SV2A: variants seen among roughly 807,000 people sequenced by gnomAD.
SV2A encodes solute carrier family 22 member B1.
A neutral mutation model predicts 78.0 loss-of-function variants in SV2A; 25 were observed. The observed-to-expected ratio is 0.32, with a 90% CI of 0.23 to 0.45. The LOEUF is 0.45. SV2A is among the 20% of genes least tolerant of loss of function. The probability of loss-of-function intolerance (pLI) is 1.00; values close to 1 mark genes in which losing one functional copy is unlikely to be tolerated. For synonymous variants in SV2A, 355 were observed against 384.7 expected, an observed-to-expected ratio of 0.92 and a Z score of 0.90; for missense variants, 752 against 971.5, an observed-to-expected ratio of 0.77 and a Z score of 3.00.
At position 149,913,425 on chromosome 1, in the gene SV2A, G is replaced by T; in HGVS notation, c.416C>A (p.Ala139Glu). Reference protein sequence around the residue: ...GEGPPGGRGEAQRRKEREELA... With the variant: ...GEGPPGGRGEEQRRKEREELA... ...TTCTTCTCGTTCTTTCCGTCGTTGTGCCTCCCCCCGGCCCCCAGGGGGACC... is the reference window on the plus strand; with the variant it reads ...TTCTTCTCGTTCTTTCCGTCGTTGTTCCTCCCCCCGGCCCCCAGGGGGACC... The change falls in exon 2 of 13, where the codon GCA becomes GAA. Residue 139 changes from alanine to glutamate, a missense_variant. Around this residue, in one of 7 missense-constraint regions of SV2A, gnomAD observed 291 missense variants for 359.5 expected, o/e 0.81. Coordinates refer to ENST00000369146, the MANE Select transcript of SV2A (RefSeq NM_014849.5). The T allele has an allele frequency of 3.1e-6, 5 of 1,613,898 alleles. No individual in the cohort carries two copies. The highest frequency in any genetic ancestry group is 1.1e-5 in the South Asian group (1 of 91,064).
At chr1:149,915,044 C>T (rs888910942) in intron 1 of SV2A, among the ~76,000 whole-genome samples, 5 of 152,134 alleles carry the variant, frequency 3.3e-5, no homozygotes, top group Non-Finnish European at 5.9e-5. Context: ...AAGCACATGA[C>T]TGTTAGGGGT....
Position 149,913,342 on chromosome 1 carries a change from T to C in SV2A, c.499A>G (p.Thr167Ala). Residue 167 changes from threonine to alanine, a missense_variant, in exon 2 of 13, where the codon ACA becomes GCA. Thr to Ala is a moderately conservative substitution (Grantham distance 58, BLOSUM62 0). Transcript: ENST00000369146. ...RECGHGRFQWTLYFVLGLALM... is the reference protein window; with the variant it reads ...RECGHGRFQWALYFVLGLALM... Reference sequence around the variant, plus strand: ...GCCAGACCAAGCACAAAATACAGTGTCCACTGGAAGCGGCCGTGGCCACAC... The same window carrying C: ...GCCAGACCAAGCACAAAATACAGTGCCCACTGGAAGCGGCCGTGGCCACAC... The C allele has an allele frequency of 6.2e-7, 1 of 1,614,080 alleles. No individual in the cohort carries two copies. Among genetic ancestry groups the C allele is most frequent in the Admixed American group, 1.7e-5 (1 of 60,024 alleles).
intron 5 of SV2A, 47 bp from the exon 6 acceptor site, chr1:149,909,937 A>T (rs1016187853): frequency 5.7e-6 from 9 of 1,585,358 alleles, no homozygotes; most frequent in Non-Finnish European, 7.8e-6. Flanking sequence ...CCCCTACCTG[A>T]CCCAGAGTTA....
rs74124086 is a variant in SV2A at position 149,914,061 on chromosome 1, G to T, written c.-221C>A. ...GGAGCTTTGACCTATACCCAGTTCA[G>T]TTGGGTGGATGGGGAAGGGACAGGG... On this transcript the variant is annotated 5_prime_UTR_variant, in exon 2 of 13. The change creates a new upstream start codon in the 5' untranslated region. Coordinates refer to ENST00000369146, the MANE Select transcript of SV2A (RefSeq NM_014849.5). 9.9e-3 allele frequency: 5,593 copies of T among 562,896 alleles called. 256 individuals carry two copies. The highest frequency in any genetic ancestry group is 0.094 in the African/African-American group (5,014 of 53,282). The allele number at this position is 562,896 out of a possible 1,614,324, so 34.9% of individuals were successfully genotyped here. A position where few individuals can be genotyped will look rare whatever the true frequency, so the allele number is the denominator to read the frequency against.
In SV2A at chr1:149,913,789, T is replaced by C. The variant is rs782281762; in HGVS notation, c.52A>G (p.Ile18Val). 4 of 1,613,942 alleles carry C rather than the reference T, an allele frequency of 2.5e-6. No homozygotes were observed. Among genetic ancestry groups the C allele is most frequent in the Non-Finnish European group, 3.4e-6 (4 of 1,179,896 alleles). The change falls in exon 2 of 13, where the codon ATT (isoleucine) becomes GTT (valine). Residue 18 changes from isoleucine to valine, a missense_variant. Around this residue, in one of 7 missense-constraint regions of SV2A, gnomAD observed 291 missense variants for 359.5 expected, o/e 0.81. Coordinates refer to ENST00000369146, the MANE Select transcript of SV2A (RefSeq NM_014849.5). ...RAAFIRGAKD[I>V]AKEVKKHAAK... ...GCATGCTTTTTGACTTCCTTAGCAA[T>C]GTCTTTGGCCCCACGGATGAAAGCT...
chr1:149,911,966 G>A lies in SV2A; in HGVS notation c.637C>T (p.Leu213=). The part of the protein sequence containing the change: ...NKGMLGLIVY[L]GMMVGAFLWG... ...AGGAAGGCTCCCACCATCATGCCCA[G>A]GTAGACGATGAGGCCTGGAAGGAGG... The change falls in exon 3 of 13, where the codon CTG becomes TTG. Residue 213 remains leucine, a synonymous_variant. Coordinates refer to ENST00000369146, the MANE Select transcript of SV2A (RefSeq NM_014849.5). The A allele has an allele frequency of 1.2e-6, 2 of 1,614,038 alleles. No homozygotes were observed. The highest frequency in any genetic ancestry group is 1.7e-6 in the Non-Finnish European group (2 of 1,179,972).
chr1:149,910,762 C>T lies in SV2A; in HGVS notation c.956-59G>A. The T allele has an allele frequency of 5.6e-6, 9 of 1,612,030 alleles. No individual in the cohort carries two copies. Among genetic ancestry groups the T allele is most frequent in the Non-Finnish European group, 7.6e-6 (9 of 1,178,678 alleles). Reference sequence around the variant, plus strand: ...GGCCAGAGGCTGGGGGAACCCACCACAGGGAGCACAGAAGAAGAGGGAGGA... The same window carrying T: ...GGCCAGAGGCTGGGGGAACCCACCATAGGGAGCACAGAAGAAGAGGGAGGA... On this transcript the variant is annotated intron_variant, in intron 4 of 12. Transcript: ENST00000369146. This position sits in a 1 kb window ranked among gnomAD's most constrained non-coding sequence, Gnocchi z 4.2.
Position 149,910,003 on chromosome 1 carries a change from A to G in SV2A, c.1090-113T>C. The G allele has an allele frequency of 1.0e-6, 1 of 955,496 alleles. No homozygotes were observed. The highest frequency in any genetic ancestry group is 1.6e-6 in the Non-Finnish European group (1 of 615,130). 59.2% of individuals were successfully genotyped at this position (955,496 alleles called of 1,614,324 possible). On this transcript the variant is annotated intron_variant, in intron 5 of 12. Transcript: ENST00000369146. The surrounding 1 kb of genome is among the most constrained non-coding windows in gnomAD (Gnocchi z 4.2). ...AGTCACAGGACACTAAATGGTTCCC[A>G]GCCCTCAACCCCACCACCAAGCCCT...
intron 3 of SV2A, among the ~76,000 whole-genome samples, 194 bp from the exon 4 acceptor site, chr1:149,911,171 C>T (rs920673253): frequency 2.0e-5 from 3 of 151,958 alleles, no homozygotes; most frequent in African/African-American, 7.3e-5. Flanking sequence ...AACAGGCAAG[C>T]GAGTCTCAGG....
chr1:149,917,283 G>GCCCCCCCCCC (rs587740146), intron 1 of SV2A, among the ~76,000 whole-genome samples: 1 of 149,734 alleles, frequency 6.7e-6, no homozygotes, highest in Admixed American at 6.6e-5. Flanking sequence ...TTCTTCCCCT[G>GCCCCCCCCCC]CCCCCCACCC....
intron 8 of SV2A, 120 bp downstream of exon 8, chr1:149,909,072 G>T: frequency 2.2e-6 from 2 of 898,880 alleles, no homozygotes; most frequent in South Asian, 2.9e-5. Context: ...AGGATCAGAG[G>T]GGGTCTGCAT....
chr1:149,913,972 G>A lies in SV2A; in HGVS notation c.-132C>T. ...AGATGAAGCGTGTTCCAGTATCTCTGGGCACAAAAAAAAGAGCAAACAGGT... is the reference window on the plus strand; with the variant it reads ...AGATGAAGCGTGTTCCAGTATCTCTAGGCACAAAAAAAAGAGCAAACAGGT... On this transcript the variant is annotated 5_prime_UTR_variant, in exon 2 of 13. Coordinates refer to ENST00000369146, the MANE Select transcript of SV2A (RefSeq NM_014849.5). The A allele has an allele frequency of 1.4e-6, 2 of 1,398,248 alleles. No homozygotes were observed. Among genetic ancestry groups the A allele is most frequent in the Non-Finnish European group, 1.9e-6 (2 of 1,050,162 alleles). The allele number at this position is 1,398,248 out of a possible 1,614,324, so 86.6% of individuals were successfully genotyped here.
At chr1:149,905,326 G>C in intron 12 of SV2A, 129 bp from the exon 13 acceptor site, 2 of 785,790 alleles carry the variant, frequency 2.5e-6, no homozygotes, top group Non-Finnish European at 4.0e-6. Flanking sequence ...AGGTTGGAGA[G>C]ATCAGAGAGG....
At chr1:149,915,027 C>T (rs1043459297) in intron 1 of SV2A, among the ~76,000 whole-genome samples, 5 of 152,112 alleles carry the variant, frequency 3.3e-5, no homozygotes, top group African/African-American at 1.2e-4. Context: ...AATCCTGGTT[C>T]AGGGCAAAGC....
rs1243368058 is a variant in SV2A at position 149,913,247 on chromosome 1, G to A, written c.594C>T (p.Cys198=). 7 of 1,614,000 alleles carry A rather than the reference G, an allele frequency of 4.3e-6. No individual in the cohort carries two copies. Among genetic ancestry groups the A allele is most frequent in the Non-Finnish European group, 5.1e-6 (6 of 1,180,006 alleles). Residue 198 remains cysteine (C), a synonymous_variant, in exon 2 of 13, where the codon TGC becomes TGT. Transcript: ENST00000369146. ...FVLPSAEKDM[C]LSDSNKGMLG... ...GCATGCCTTTGTTGGAGTCGGACAG[G>A]CACATGTCTTTCTCAGCGCTGGGCA...
chr1:149,917,415 A>C (rs1485882807), intron 1 of SV2A, among the ~76,000 whole-genome samples: 1 of 151,878 alleles, frequency 6.6e-6, no homozygotes, highest in Non-Finnish European at 1.5e-5. Flanking sequence ...GTTTGAGGGA[A>C]CCTCATCCCA....
At position 149,906,520 on chromosome 1, in the gene SV2A, C is replaced by G. The variant is rs587599246; in HGVS notation, c.1885+130G>C. Reference sequence around the variant, plus strand: ...GTCCCCACCCCATCCTGCAGCACCCCCTAAACAGAAAACATGAGAGAGGAA... The same window carrying G: ...GTCCCCACCCCATCCTGCAGCACCCGCTAAACAGAAAACATGAGAGAGGAA... On this transcript the variant is annotated intron_variant, in intron 11 of 12. Transcript: ENST00000369146. 5.7e-5 allele frequency: 57 copies of G among 1,006,850 alleles called. No homozygotes were observed. The East Asian group carries it at 9.6e-4, about 17-fold the overall frequency. The allele number at this position is 1,006,850 out of a possible 1,614,324, so 62.4% of individuals were successfully genotyped here.
In SV2A at chr1:149,910,780, A is replaced by C. The variant is rs1260315941; in HGVS notation, c.955+46T>G. 1.1e-5 allele frequency: 18 copies of C among 1,611,458 alleles called. No individual in the cohort carries two copies. Among genetic ancestry groups the C allele is most frequent in the Non-Finnish European group, 1.5e-5 (18 of 1,178,104 alleles). ...CCCACCACAGGGAGCACAGAAGAAG[A>C]GGGAGGAGGGAGATAACCTGGGGTG... On this transcript the variant is annotated intron_variant, in intron 4 of 12. Transcript: ENST00000369146. This position sits in a 1 kb window ranked among gnomAD's most constrained non-coding sequence, Gnocchi z 4.2.
rs1559791486 is a variant in SV2A, at chr1:149,913,386, T to C, written c.455A>G (p.Tyr152Cys). ...GCCACACTCCCGTAGGATGGCTTCA[T>C]ACTGTTGGGCCAGTTCTTCTCGTTC... ...RKEREELAQQ[Y>C]EAILRECGHG... Residue 152 changes from tyrosine to cysteine, a missense_variant, in exon 2 of 13, where the codon TAT (tyrosine) becomes TGT (cysteine). Physicochemically the swap from Tyr to Cys is radical, Grantham distance 194 (BLOSUM62 -2). Coordinates refer to ENST00000369146, the MANE Select transcript of SV2A (RefSeq NM_014849.5). 11 of 1,614,136 alleles carry C rather than the reference T, an allele frequency of 6.8e-6. No individual in the cohort carries two copies. Among genetic ancestry groups the C allele is most frequent in the Non-Finnish European group, 9.3e-6 (11 of 1,180,024 alleles).
Sources: allele counts gnomAD v4.1 joint callset (sites outside exome capture counted in the v4.1 genomes callset), GRCh38; gene constraint gnomAD v4.1.1; regional missense constraint gnomAD v4.1.1; non-coding constraint Gnocchi (gnomAD v3.1); transcripts MANE v1.5; gene names NCBI Gene and HGNC (gene_info 2026-07-23, HGNC 2026-07-21).